The following CDC7 variants were observed in gnomAD, a reference collection of about 807,000 sequenced individuals.
The protein encoded by CDC7 is cell division cycle 7-related protein kinase.
In CDC7, 34 loss-of-function variants were observed where a neutral mutation model predicts 53.5. The ratio of observed to expected loss-of-function variants is 0.64; its 90% CI spans 0.48 to 0.85. CDC7 has a LOEUF of 0.85. Ranked by LOEUF, CDC7 falls within the 40% of genes least tolerant of loss-of-function variation. The pLI is 0.00. For missense variants in CDC7, 594 were observed against 679.7 expected, an observed-to-expected ratio of 0.87 and a Z score of 1.40; for synonymous variants, 211 against 222.8, an observed-to-expected ratio of 0.95 and a Z score of 0.47.
At chr1:91,512,743 T>C (rs1297895952) in intron 6 of CDC7, among the ~76,000 whole-genome samples, 2 of 152,270 alleles carry the variant, frequency 1.3e-5, no homozygotes, top group Admixed American at 6.5e-5. Context: ...TTATCTGCTA[T>C]GATGCCATCT....
chr1:91,516,010 TG>T, intron 10 of CDC7, 134 bp downstream of exon 10: 1 of 679,608 alleles, frequency 1.5e-6, no homozygotes. Context: ...TCTTGCAGTG[TG>T]GCATTCCTAT....
At chr1:91,503,513 C>G (rs1174220031) in intron 2 of CDC7, among the ~76,000 whole-genome samples, 2 of 152,142 alleles carry the variant, frequency 1.3e-5, no homozygotes, top group African/African-American at 2.4e-5. Context: ...TTTTATATAT[C>G]TTAGCATTCC....
At chr1:91,508,073 T>G in intron 3 of CDC7, 136 bp downstream of exon 3, 1 of 795,916 alleles carries the variant, frequency 1.3e-6, no homozygotes, top group Non-Finnish European at 1.9e-6. Flanking sequence ...CATAGTTTTA[T>G]TACTAATTAT....
intron 2 of CDC7, among the ~76,000 whole-genome samples, chr1:91,504,945 CAG>C (rs774408110): frequency 2.0e-5 from 3 of 151,916 alleles, no homozygotes; most frequent in Admixed American, 6.6e-5. Flanking sequence ...AGACAATAGA[CAG>C]AGAGTAAACA....
In CDC7 at chr1:91,511,646, C is replaced by A; in HGVS notation, c.385C>A (p.His129Asn). The A allele has an allele frequency of 6.2e-7, 1 of 1,611,178 alleles. No homozygotes were observed. The highest frequency in any genetic ancestry group is 8.5e-7 in the Non-Finnish European group (1 of 1,177,906). ...GVKYCFRKNDHVVIAMPYLEH... is the reference protein window; with the variant it reads ...GVKYCFRKNDNVVIAMPYLEH... ...TAAATACTGCTTTAGGAAGAATGAT[C>A]ATGTAGTTATTGCTATGCCATATCT... Residue 129 changes from histidine to asparagine, a missense_variant, in exon 5 of 12, where the codon CAT becomes AAT. By Grantham distance (68) the His-to-Asn change is moderately conservative (BLOSUM62 1). Transcript: ENST00000234626.
At chr1:91,510,679 C>G (rs887147095) in intron 4 of CDC7, among the ~76,000 whole-genome samples, 4 of 152,130 alleles carry the variant, frequency 2.6e-5, no homozygotes, top group Non-Finnish European at 5.9e-5. Context: ...GCTAAAAATG[C>G]CTTCATCTGA....
intron 2 of CDC7, among the ~76,000 whole-genome samples, chr1:91,502,519 A>G (rs1036467586): frequency 1.3e-5 from 2 of 152,150 alleles, no homozygotes; most frequent in Non-Finnish European, 2.9e-5. Flanking sequence ...GTGCTTGTCT[A>G]AAAGATACTT....
At chr1:91,515,097 G>T in intron 9 of CDC7, 100 bp downstream of exon 9, 1 of 894,454 alleles carries the variant, frequency 1.1e-6, no homozygotes, top group Non-Finnish European at 1.7e-6. Flanking sequence ...GATCAGTTCA[G>T]ATCAGTGAAC....
intron 2 of CDC7, among the ~76,000 whole-genome samples, chr1:91,502,721 GTCT>G (rs1666760579): frequency 6.6e-6 from 1 of 151,888 alleles, no homozygotes; most frequent in Non-Finnish European, 1.5e-5. Flanking sequence ...ATGGCATTGT[GTCT>G]TCTTTCCATT....
rs952860401 is a variant in CDC7, at chr1:91,501,884, T to G, written c.115+53T>G. The stretch of plus-strand genomic sequence containing the variant: ...GTTATAAAGATTTTTCAGGCAACAA[T>G]TCTGTGTTTTCAATTCCTCTCAAAA... On this transcript the variant is annotated intron_variant, in intron 2 of 11. Coordinates refer to ENST00000234626, the MANE Select transcript of CDC7 (RefSeq NM_003503.4). 2.4e-6 allele frequency: 3 copies of G among 1,252,194 alleles called. No homozygotes were observed. In the South Asian group the frequency reaches 3.6e-5, roughly 15 times the overall value. 77.6% of individuals were successfully genotyped at this position (1,252,194 alleles called of 1,614,324 possible). A position where few individuals can be genotyped will look rare whatever the true frequency, so the allele number is the denominator to read the frequency against.
chr1:91,511,179 T>C (rs1269940186), intron 4 of CDC7, among the ~76,000 whole-genome samples: 2 of 152,180 alleles, frequency 1.3e-5, no homozygotes, highest in African/African-American at 4.8e-5. Flanking sequence ...TCCTCTTTTA[T>C]GAAGCAGTGT....
At chr1:91,504,212 C>A (rs1395253632) in intron 2 of CDC7, among the ~76,000 whole-genome samples, 2 of 151,634 alleles carry the variant, frequency 1.3e-5, no homozygotes, top group Non-Finnish European at 2.9e-5. Context: ...CTCAAGCAAT[C>A]CTACCCCCTC....
Position 91,513,294 on chromosome 1 carries a change from G to C in CDC7, c.809G>C (p.Gly270Ala). 1 of 1,612,754 alleles carries C rather than the reference G, an allele frequency of 6.2e-7. No homozygotes were observed. The highest frequency in any genetic ancestry group is 8.5e-7 in the Non-Finnish European group (1 of 1,179,214). The change falls in exon 7 of 12, where the codon GGA becomes GCA. Residue 270 changes from glycine to alanine, a missense_variant. Transcript: ENST00000234626. ...YTNAQIQIKQ[G>A]KDGKEGSVGL... ...AATGCACAAATTCAGATTAAACAAG[G>C]AAAAGACGGAAAGGTTCTATCTCTT... is the stretch of plus-strand genomic sequence containing the variant.
rs1667298695 is a variant in CDC7, at chr1:91,511,762, A to G, written c.430-19A>G. 16 of 1,598,860 alleles carry G rather than the reference A, an allele frequency of 1.0e-5. No homozygotes were observed. The highest frequency in any genetic ancestry group is 1.4e-5 in the Non-Finnish European group (16 of 1,169,298). The stretch of plus-strand genomic sequence containing the variant: ...GCAAACAATATTTGTAACTCATTTC[A>G]TTTGTAACTTTGTTTTAGGACATTC... On this transcript the variant is annotated intron_variant, in intron 5 of 11. Coordinates refer to ENST00000234626, the MANE Select transcript of CDC7 (RefSeq NM_003503.4).
intron 6 of CDC7, among the ~76,000 whole-genome samples, chr1:91,512,217 A>ATATAATATATAT (rs1667323238): frequency 6.6e-6 from 1 of 152,112 alleles, no homozygotes; most frequent in African/African-American, 2.4e-5. Flanking sequence ...GTATCCTCTG[A>ATATAATATATAT]CTTATATCTC....
chr1:91,514,702 A>C (rs181613348), intron 8 of CDC7, 117 bp from the exon 9 acceptor site: 1 of 700,330 alleles, frequency 1.4e-6, no homozygotes, highest in African/African-American at 1.8e-5. Context: ...TTACAGTCCA[A>C]TAGCCATTCA....
chr1:91,510,836 C>G (rs1430531710), intron 4 of CDC7, among the ~76,000 whole-genome samples: 1 of 152,140 alleles, frequency 6.6e-6, no homozygotes, highest in African/African-American at 2.4e-5. Context: ...TAAAAGCCTT[C>G]CCTCAGTTGT....
rs746092741 is a variant in CDC7, at chr1:91,513,088, A to G, written c.603A>G (p.Gln201=). Residue 201 remains glutamine (Q), a synonymous_variant, in exon 7 of 12, where the codon CAA becomes CAG. Coordinates refer to ENST00000234626, the MANE Select transcript of CDC7 (RefSeq NM_003503.4). ...CCTTGGTAGACTTTGGTTTGGCCCA[A>G]GGAACCCATGATACGAAAATAGAGC... ...KYALVDFGLA[Q]GTHDTKIELL... The G allele has an allele frequency of 1.1e-5, 18 of 1,613,552 alleles. No individual in the cohort carries two copies. Among genetic ancestry groups the G allele is most frequent in the Non-Finnish European group, 1.4e-5 (17 of 1,179,636 alleles).
At chr1:91,521,612 A>G (rs2102404399) in intron 11 of CDC7, among the ~76,000 whole-genome samples, 1 of 152,350 alleles carries the variant, frequency 6.6e-6, no homozygotes, top group East Asian at 1.9e-4. Flanking sequence ...TTACATAATA[A>G]TATAACAAGT....
Sources: gnomAD v4.1 joint callset for allele counts (sites outside exome capture counted in the v4.1 genomes callset) on GRCh38, gnomAD v4.1.1 for gene constraint, MANE v1.5 for transcripts, NCBI Gene and HGNC (gene_info 2026-07-23, HGNC 2026-07-21) for gene names.